The following ZFYVE9 variants were observed in gnomAD, a reference collection of about 807,000 sequenced individuals.
The protein encoded by ZFYVE9 is zinc finger FYVE-type containing 9, also known as zinc finger FYVE domain-containing protein 9.
A neutral mutation model predicts 126.7 loss-of-function variants in ZFYVE9; 43 were observed. That is an observed-to-expected ratio of 0.34 (90% CI 0.27 to 0.44). The LOEUF (loss-of-function observed/expected upper bound fraction) is 0.44, where lower values mean the gene tolerates loss of function less well. Among genes scored for constraint, ZFYVE9 ranks in the 20% least tolerant of loss-of-function variants. The probability of loss-of-function intolerance (pLI) is 1.00; values close to 1 mark genes in which losing one functional copy is unlikely to be tolerated. For synonymous variants in ZFYVE9, 521 were observed against 597.4 expected (o/e 0.87, Z 1.87); for missense variants, 1,476 against 1,697.0 (o/e 0.87, Z 2.29).
intron 13 of ZFYVE9, among the ~76,000 whole-genome samples, chr1:52,315,289 A>T (rs1646173822): frequency 6.6e-6 from 1 of 152,032 alleles, no homozygotes; most frequent in African/African-American, 2.4e-5. Flanking sequence ...TTAGCTGGGT[A>T]TGGTGGCACA....
chr1:52,331,208 CAAAAT>C (rs1646338047), intron 13 of ZFYVE9, among the ~76,000 whole-genome samples: 1 of 151,898 alleles, frequency 6.6e-6, no homozygotes, highest in Admixed American at 6.6e-5. Context: ...GGGAGTAAAA[CAAAAT>C]AAGTTTCCAG....
chr1:52,317,658 A>T (rs775428696), intron 13 of ZFYVE9, among the ~76,000 whole-genome samples: 1 of 152,222 alleles, frequency 6.6e-6, no homozygotes, highest in Non-Finnish European at 1.5e-5. Flanking sequence ...ACCAAAAGCC[A>T]GTTCTTTGAG....
intron 1 of ZFYVE9, among the ~76,000 whole-genome samples, chr1:52,151,340 C>G (rs1644354806): frequency 6.6e-6 from 1 of 152,088 alleles, no homozygotes; most frequent in Non-Finnish European, 1.5e-5. Flanking sequence ...TATTATTATG[C>G]ATTTTACAGC....
At chr1:52,256,306 ATCTGTCC>A (rs1427249514) in intron 4 of ZFYVE9, among the ~76,000 whole-genome samples, 2 of 150,772 alleles carry the variant, frequency 1.3e-5, no homozygotes, top group Admixed American at 1.3e-4. Context: ...TGACCTTGTG[ATCTGTCC>A]ACATCAGCCT....
intron 4 of ZFYVE9, among the ~76,000 whole-genome samples, chr1:52,250,871 T>C (rs1645437763): frequency 1.3e-5 from 2 of 151,842 alleles, no homozygotes; most frequent in South Asian, 4.2e-4. Flanking sequence ...CTACCACACC[T>C]GGCTAATTTT....
chr1:52,249,594 T>C (rs140331910), intron 4 of ZFYVE9, among the ~76,000 whole-genome samples: 1 of 152,310 alleles, frequency 6.6e-6, no homozygotes, highest in Non-Finnish European at 1.5e-5. Context: ...TTTTTCATTC[T>C]GTTGTCCTTT....
At chr1:52,333,039 C>A in intron 14 of ZFYVE9, 121 bp downstream of exon 14, 1 of 1,279,966 alleles carries the variant, frequency 7.8e-7, no homozygotes, top group Non-Finnish European at 1.1e-6. Flanking sequence ...AATTAATTAA[C>A]CTTTCCAACC....
At chr1:52,304,248 A>G (rs1251091510) in intron 13 of ZFYVE9, among the ~76,000 whole-genome samples, 2 of 151,898 alleles carry the variant, frequency 1.3e-5, no homozygotes, top group Admixed American at 6.6e-5. Context: ...CACTCCTACT[A>G]TAAATATTTA....
chr1:52,151,996 AT>A (rs573577312), intron 1 of ZFYVE9, among the ~76,000 whole-genome samples: 3 of 146,420 alleles, frequency 2.0e-5, no homozygotes, highest in African/African-American at 5.0e-5. Flanking sequence ...TATTACCCCA[AT>A]TTTTTTTTTG....
chr1:52,163,814 TA>T (rs1034878292), intron 1 of ZFYVE9, among the ~76,000 whole-genome samples: 47 of 144,400 alleles, frequency 3.3e-4, no homozygotes, highest in Admixed American at 4.1e-4. Context: ...TCTAAATTAT[TA>T]AAAAAAAAAA....
chr1:52,316,672 AT>A (rs1181416853), intron 13 of ZFYVE9, among the ~76,000 whole-genome samples: 8 of 152,234 alleles, frequency 5.3e-5, no homozygotes, highest in African/African-American at 1.7e-4. Context: ...ATGTATCTAA[AT>A]AACAGAGCTT....
chr1:52,224,145 G>A (rs191691337), intron 2 of ZFYVE9, among the ~76,000 whole-genome samples: 5 of 152,328 alleles, frequency 3.3e-5, no homozygotes. Context: ...TTTGAGGAAG[G>A]GAGGAAAGGA....
chr1:52,218,125 A>G (rs1319778370), intron 2 of ZFYVE9, among the ~76,000 whole-genome samples: 1 of 152,200 alleles, frequency 6.6e-6, no homozygotes, highest in Admixed American at 6.5e-5. Context: ...TTGAGGGTCA[A>G]AGGACCCATT....
chr1:52,283,537 A>G (rs773998674), intron 10 of ZFYVE9, among the ~76,000 whole-genome samples: 5 of 152,246 alleles, frequency 3.3e-5, no homozygotes, highest in Admixed American at 6.5e-5. Flanking sequence ...AAAATGAACT[A>G]ACTGCTGATG....
chr1:52,302,320 A>G (rs1348178607), intron 12 of ZFYVE9, among the ~76,000 whole-genome samples: 2 of 152,212 alleles, frequency 1.3e-5, no homozygotes, highest in African/African-American at 4.8e-5. Flanking sequence ...CTCACATCAT[A>G]TTCTACATTT....
At chr1:52,181,066 C>CTCTCCCTCACTT (rs888353121) in intron 1 of ZFYVE9, among the ~76,000 whole-genome samples, 3 of 152,014 alleles carry the variant, frequency 2.0e-5, no homozygotes, top group Non-Finnish European at 2.9e-5. Flanking sequence ...CTCCCTCTCC[C>CTCTCCCTCACTT]TCTCCCTCAC....
intron 13 of ZFYVE9, among the ~76,000 whole-genome samples, chr1:52,315,788 A>C (rs1420370945): frequency 6.6e-6 from 1 of 152,374 alleles, no homozygotes; most frequent in East Asian, 1.9e-4. Context: ...AATGATCTAA[A>C]TACCTTCAAG....
Position 52,241,163 on chromosome 1 carries a change from T to C in ZFYVE9, c.2178+1568T>C, listed in dbSNP as rs12042697. ...TACTGTCTGGATGTATCTCATAACA[T>C]CATGTTGTATACCTTAAATGTATAC... is the stretch of plus-strand genomic sequence containing the variant. On this transcript the variant is annotated intron_variant, in intron 4 of 18. Coordinates refer to ENST00000287727, the MANE Select transcript of ZFYVE9 (RefSeq NM_004799.4). Among the ~76,000 whole-genome samples, 1,402 of 152,186 alleles carry C rather than the reference T, an allele frequency of 9.2e-3. 65 individuals carry two copies. The East Asian group carries it at 0.12, about 13-fold the overall frequency.
intron 1 of ZFYVE9, among the ~76,000 whole-genome samples, chr1:52,143,250 G>A (rs764221106): frequency 6.6e-6 from 1 of 152,156 alleles, no homozygotes; most frequent in East Asian, 1.9e-4. Context: ...TTAAGTGCCA[G>A]CTACCCTAAT....
Sources: allele counts gnomAD v4.1 joint callset (sites outside exome capture counted in the v4.1 genomes callset), GRCh38; gene constraint gnomAD v4.1.1; transcripts MANE v1.5; gene names NCBI Gene and HGNC (gene_info 2026-07-23, HGNC 2026-07-21).